The following PVT1 variants were observed in gnomAD, a reference collection of about 807,000 sequenced individuals.
PVT1 encodes Pvt1 oncogene.
chr8:127,896,774 T>TCCC (rs71566652), intron 3 of PVT1, among the ~76,000 whole-genome samples: 54 of 112,266 alleles, frequency 4.8e-4, no homozygotes, highest in African/African-American at 1.5e-3. Flanking sequence ...ATGCCTTTCC[T>TCCC]CCCCCCCCCC....
chr8:127,888,349 A>G (rs1815552763), intron 2 of PVT1, among the ~76,000 whole-genome samples: 1 of 152,156 alleles, frequency 6.6e-6, no homozygotes, highest in Non-Finnish European at 1.5e-5. Flanking sequence ...TGAGGCAGCT[A>G]GCTTGATTTC....
intron 4 of PVT1, among the ~76,000 whole-genome samples, chr8:128,069,334 T>C (rs1174564760): frequency 2.6e-5 from 4 of 152,060 alleles, no homozygotes; most frequent in Admixed American, 2.6e-4. Flanking sequence ...GTCATTACCA[T>C]AGAATAAAGT....
At chr8:128,081,332 C>G (rs1199058181) in intron 5 of PVT1, among the ~76,000 whole-genome samples, 1 of 152,152 alleles carries the variant, frequency 6.6e-6, no homozygotes, top group Non-Finnish European at 1.5e-5. Flanking sequence ...TTGGCAACTA[C>G]AAATAAAGGT....
chr8:128,072,178 A>G (rs1259843466), intron 5 of PVT1, among the ~76,000 whole-genome samples: 1 of 152,188 alleles, frequency 6.6e-6, no homozygotes, highest in Non-Finnish European at 1.5e-5. Context: ...CTTTTATCCA[A>G]GGGAACATCA....
In PVT1 at chr8:127,923,497, G is replaced by A. The variant is rs536044936; in HGVS notation, n.782+32499G>A. ...GGGGAGGCCTCAGAAGGCGTTCCTG[G>A]TCTGAGTGTGCTGCTGTCACTGCCT... On this transcript the variant is annotated intron_variant and non_coding_transcript_variant, in intron 3 of 10. Coordinates refer to ENST00000651587, the Ensembl canonical transcript of PVT1. Among the ~76,000 whole-genome samples the A allele has an allele frequency of 2.1e-3, 319 of 152,314 alleles. 6 individuals are homozygous for A. Among genetic ancestry groups the A allele is most frequent in the Non-Finnish European group, 2.5e-4 (17 of 68,032 alleles).
rs1402013688 is a variant in PVT1 at position 127,997,056 on chromosome 8, TGTTTGTTTG to T, written n.912+7766_912+7774del. ...GTCATTTGCTTTCGTTTTTTTTTTTTGTTTGTTTGTTTTTTGATACAGAGTTTCACTCTT... is the reference window on the plus strand; with the variant it reads ...GTCATTTGCTTTCGTTTTTTTTTTTTTTTTTTGATACAGAGTTTCACTCTT... On this transcript the variant is annotated intron_variant and non_coding_transcript_variant, in intron 4 of 10. Transcript: ENST00000651587. Among the ~76,000 whole-genome samples the T allele has an allele frequency of 1.5e-3, 199 of 130,970 alleles. 33 individuals are homozygous for T. In the South Asian group the frequency reaches 0.053, roughly 35 times the overall value. The allele number at this position is 130,970 out of a possible 152,430, so 85.9% of individuals were successfully genotyped here.
At chr8:127,801,552 T>C (rs996009692) in intron 2 of PVT1, among the ~76,000 whole-genome samples, 17 of 152,174 alleles carry the variant, frequency 1.1e-4, no homozygotes, top group African/African-American at 4.1e-4. Context: ...CCTTGCAGTG[T>C]TCTAAAAAGG....
intron 3 of PVT1, among the ~76,000 whole-genome samples, chr8:127,908,371 T>G (rs1416923128): frequency 1.3e-5 from 2 of 150,680 alleles, no homozygotes; most frequent in African/African-American, 2.4e-5. Context: ...AGATGGAATC[T>G]TGCTCTGTCA....
intron 4 of PVT1, among the ~76,000 whole-genome samples, chr8:128,014,304 T>C (rs913409191): frequency 6.6e-6 from 1 of 152,248 alleles, no homozygotes; most frequent in Non-Finnish European, 1.5e-5. Context: ...AGCCAGTATT[T>C]TGAGGGTCTC....
intron 4 of PVT1, among the ~76,000 whole-genome samples, chr8:128,029,334 C>T (rs1813361175): frequency 6.6e-6 from 1 of 151,958 alleles, no homozygotes; most frequent in Admixed American, 6.6e-5. Flanking sequence ...CACTATGTTG[C>T]CCAGGCTGGT....
intron 3 of PVT1, chr8:127,947,594 A>G: frequency 2.5e-6 from 1 of 405,908 alleles, no homozygotes; most frequent in South Asian, 1.8e-5. Context: ...TAGATTTGGC[A>G]GAATGAAAGA....
chr8:127,818,783 C>T (rs950363073), intron 2 of PVT1, among the ~76,000 whole-genome samples: 1 of 152,174 alleles, frequency 6.6e-6, no homozygotes, highest in Non-Finnish European at 1.5e-5. Context: ...CTCACTAGAT[C>T]CTTACCTTGT....
chr8:127,826,622 T>A (rs1814791304), intron 2 of PVT1, among the ~76,000 whole-genome samples: 1 of 152,178 alleles, frequency 6.6e-6, no homozygotes. Context: ...GACTTACATA[T>A]ACACACAAGC....
chr8:128,003,489 G>A (rs1210083686), intron 4 of PVT1, among the ~76,000 whole-genome samples: 2 of 152,062 alleles, frequency 1.3e-5, no homozygotes, highest in Non-Finnish European at 2.9e-5. Context: ...GGGACTACAG[G>A]TATGTGTTCC....
intron 4 of PVT1, chr8:128,049,295 A>T: frequency 2.1e-6 from 1 of 480,982 alleles, no homozygotes; most frequent in Non-Finnish European, 4.2e-6. Flanking sequence ...GGAGCCACTG[A>T]TAGAAGCAGG....
intron 3 of PVT1, among the ~76,000 whole-genome samples, chr8:127,964,939 C>T (rs561459980): frequency 6.6e-6 from 1 of 152,200 alleles, no homozygotes; most frequent in African/African-American, 2.4e-5. Context: ...GGATTACAGG[C>T]GTGAGCCCCC....
intron 3 of PVT1, among the ~76,000 whole-genome samples, chr8:127,977,501 G>A (rs1043398705): frequency 2.0e-5 from 3 of 152,202 alleles, no homozygotes; most frequent in Non-Finnish European, 2.9e-5. Context: ...GGGAGGCTGA[G>A]GTGGGCGGAT....
intron 3 of PVT1, among the ~76,000 whole-genome samples, chr8:127,896,786 C>A (rs1175783697): frequency 7.3e-6 from 1 of 136,254 alleles, no homozygotes; most frequent in Non-Finnish European, 1.6e-5. Flanking sequence ...CCCCCCCCCG[C>A]CCCCGACCCA....
intron 2 of PVT1, among the ~76,000 whole-genome samples, chr8:127,877,132 C>T (rs1815414732): frequency 6.6e-6 from 1 of 152,154 alleles, no homozygotes; most frequent in South Asian, 2.1e-4. Flanking sequence ...AGGACAACTC[C>T]CCAGCGCCTG....
Sources: allele counts gnomAD v4.1 joint callset (sites outside exome capture counted in the v4.1 genomes callset), GRCh38; gene constraint gnomAD v4.1.1; transcripts MANE v1.5; gene names NCBI Gene and HGNC (gene_info 2026-07-23, HGNC 2026-07-21).